Variants in FMN1 observed in about 807,000 individuals in gnomAD.
FMN1 encodes formin-1.
A neutral mutation model predicts 132.4 loss-of-function variants in FMN1; 110 were observed. The ratio of observed to expected loss-of-function variants is 0.83; its 90% CI spans 0.71 to 0.97. FMN1 has a LOEUF of 0.97. Among genes scored for constraint, FMN1 ranks in the 50% least tolerant of loss-of-function variants. FMN1 has a pLI of 0.00. For missense variants in FMN1, 1,792 were observed against 1,705.3 expected, an observed-to-expected ratio of 1.05 and a Z score of -0.90; for synonymous variants, 722 against 651.7, an observed-to-expected ratio of 1.11 and a Z score of -1.64.
intron 4 of FMN1, among the ~76,000 whole-genome samples, chr15:33,111,199 T>C (rs2039688922): frequency 6.6e-6 from 1 of 152,172 alleles, no homozygotes; most frequent in South Asian, 2.1e-4. Flanking sequence ...CATTGTAAAA[T>C]GCTTTCAACC....
At chr15:33,097,552 T>C (rs75579226) in intron 4 of FMN1, among the ~76,000 whole-genome samples, 2,508 of 152,166 alleles carry the variant, frequency 0.016, 60 homozygotes, top group African/African-American at 0.058. Context: ...AAAGAATCAC[T>C]AGACTTCTCA....
Position 33,106,280 on chromosome 15 carries a change from A to ACACACACACACACGCACG in FMN1, c.1868-17307_1868-17306insCGTGCGTGTGTGTGTGTG, listed in dbSNP as rs1406398132. On this transcript the variant is annotated intron_variant, in intron 4 of 20. Coordinates refer to ENST00000616417, the MANE Select transcript of FMN1 (RefSeq NM_001277313.2). Reference sequence around the variant, plus strand: ...GATTACAGCTAACCAGAATCCACACACACACACACACACACGCACGCACAC... The same window carrying ACACACACACACACGCACG: ...GATTACAGCTAACCAGAATCCACACACACACACACACACGCACGCACACACACACACACGCACGCACAC... 1.3e-4 allele frequency: 19 copies of ACACACACACACACGCACG among 145,802 alleles called. No homozygotes were observed. The South Asian group carries it at 3.8e-3, about 29-fold the overall frequency. 9.0% of individuals were successfully genotyped at this position (145,802 alleles called of 1,614,324 possible). A position where few individuals can be genotyped will look rare whatever the true frequency, so the allele number is the denominator to read the frequency against.
At chr15:32,920,845 C>G (rs986657223) in intron 10 of FMN1, among the ~76,000 whole-genome samples, 1 of 152,226 alleles carries the variant, frequency 6.6e-6, no homozygotes, top group Non-Finnish European at 1.5e-5. Context: ...TACGTGGTCT[C>G]TTCTCTACAT....
chr15:32,944,276 CA>C (rs2061458678), intron 9 of FMN1, among the ~76,000 whole-genome samples: 1 of 152,198 alleles, frequency 6.6e-6, no homozygotes, highest in Non-Finnish European at 1.5e-5. Flanking sequence ...GCCACTCTGC[CA>C]TCACACCCAG....
At chr15:32,876,959 T>C (rs923228641) in intron 16 of FMN1, among the ~76,000 whole-genome samples, 5 of 152,324 alleles carry the variant, frequency 3.3e-5, no homozygotes, top group African/African-American at 1.2e-4. Flanking sequence ...TCCATTAACC[T>C]ACCACACTGG....
chr15:32,963,757 C>A (rs2030868500), intron 9 of FMN1, among the ~76,000 whole-genome samples: 2 of 152,024 alleles, frequency 1.3e-5, no homozygotes, highest in African/African-American at 4.8e-5. Flanking sequence ...GAATTAATGG[C>A]TGAAAAAGTC....
intron 16 of FMN1, among the ~76,000 whole-genome samples, chr15:32,881,751 G>A (rs149986973): frequency 6.6e-6 from 1 of 152,168 alleles, no homozygotes; most frequent in Non-Finnish European, 1.5e-5. Context: ...CGTTTTGCAG[G>A]GTCAGGGCTG....
At chr15:32,922,243 G>T (rs1307468728) in intron 10 of FMN1, among the ~76,000 whole-genome samples, 1 of 152,150 alleles carries the variant, frequency 6.6e-6, no homozygotes, top group African/African-American at 2.4e-5. Flanking sequence ...AAGAAGGCAG[G>T]CAAGCAGGCA....
chr15:33,020,542 G>A (rs1022311527), intron 6 of FMN1, among the ~76,000 whole-genome samples: 1 of 151,806 alleles, frequency 6.6e-6, no homozygotes, highest in Non-Finnish European at 1.5e-5. Flanking sequence ...GGCTACTCAG[G>A]AGGCTGAAGC....
intron 6 of FMN1, among the ~76,000 whole-genome samples, chr15:33,036,693 A>C (rs1394940803): frequency 6.6e-6 from 1 of 152,216 alleles, no homozygotes; most frequent in Non-Finnish European, 1.5e-5. Context: ...ATAATTACCT[A>C]CTTCACAGGG....
chr15:33,118,332 T>A (rs1186561124), intron 4 of FMN1, among the ~76,000 whole-genome samples: 1 of 152,156 alleles, frequency 6.6e-6, no homozygotes, highest in Non-Finnish European at 1.5e-5. Context: ...TTGGAACAGT[T>A]GATGATTGTC....
At chr15:33,021,555 G>A (rs1232394476) in intron 6 of FMN1, among the ~76,000 whole-genome samples, 1 of 152,190 alleles carries the variant, frequency 6.6e-6, no homozygotes, top group African/African-American at 2.4e-5. Context: ...GACAGATATT[G>A]AGTCTTTATG....
intron 4 of FMN1, among the ~76,000 whole-genome samples, chr15:33,097,861 A>G (rs949043601): frequency 6.6e-6 from 1 of 152,208 alleles, no homozygotes; most frequent in African/African-American, 2.4e-5. Context: ...CTTGACAGAA[A>G]ATCAGTACAG....
At position 33,153,137 on chromosome 15, in the gene FMN1, C is replaced by T. The variant is rs369613684; in HGVS notation, c.1778G>A (p.Gly593Asp). 856 of 1,536,126 alleles carry T rather than the reference C, an allele frequency of 5.6e-4. 9 individuals are homozygous for T. The South Asian group carries it at 9.4e-3, about 17-fold the overall frequency. The change falls in exon 4 of 21, where the codon GGC (glycine) becomes GAC (aspartate). Residue 593 changes from glycine to aspartate, a missense_variant. This residue lies in a region of FMN1 where 1,150 missense variants were observed against 1,043.1 expected (regional missense o/e 1.10). Transcript: ENST00000616417. ...TTCCCCAGGCACCAACCGAGGTTGG[C>T]CTGCTCTGAGGAAGGCCGGGCTGGC... ...KGASPAFLRA[G>D]QPRLVPGETL...
chr15:32,808,062 A>AC (rs1189964450), intron 17 of FMN1, among the ~76,000 whole-genome samples: 1 of 152,214 alleles, frequency 6.6e-6, no homozygotes, highest in East Asian at 1.9e-4. Context: ...TAATACCATC[A>AC]ACAAATAAGG....
intron 14 of FMN1, among the ~76,000 whole-genome samples, chr15:32,899,445 C>G (rs1016851368): frequency 2.0e-5 from 3 of 152,212 alleles, no homozygotes; most frequent in Non-Finnish European, 2.9e-5. Flanking sequence ...CCTGCACCCC[C>G]CTGCCCCCCA....
At position 32,813,104 on chromosome 15, in the gene FMN1, G is replaced by C. The variant is rs2057941136; in HGVS notation, c.3929-8772C>G. Among the ~76,000 whole-genome samples, 4 of 152,044 alleles carry C rather than the reference G, an allele frequency of 2.6e-5. No homozygotes were observed. The South Asian group carries it at 6.2e-4, about 24-fold the overall frequency. On this transcript the variant is annotated intron_variant, in intron 17 of 20. Coordinates refer to ENST00000616417, the MANE Select transcript of FMN1 (RefSeq NM_001277313.2). ...GTTATATAGCATTTACATTGTATTA[G>C]GTATCATAAGTAATCTAGAGATGAT...
intron 17 of FMN1, among the ~76,000 whole-genome samples, chr15:32,836,707 G>T (rs1309053389): frequency 6.6e-6 from 1 of 151,866 alleles, no homozygotes; most frequent in East Asian, 1.9e-4. Context: ...TTTTTTTTTA[G>T]AATGCAAAGT....
chr15:32,963,826 A>G (rs571386847), intron 9 of FMN1, among the ~76,000 whole-genome samples: 27 of 152,218 alleles, frequency 1.8e-4, no homozygotes, highest in African/African-American at 6.3e-4. Flanking sequence ...AGATTTCATG[A>G]ACTATTGGCT....
Sources: gnomAD v4.1 joint callset for allele counts (sites outside exome capture counted in the v4.1 genomes callset) on GRCh38, gnomAD v4.1.1 for gene constraint, gnomAD v4.1.1 regional missense constraint, MANE v1.5 for transcripts, NCBI Gene and HGNC (gene_info 2026-07-23, HGNC 2026-07-21) for gene names.